MRC1: variants seen among roughly 807,000 people sequenced by gnomAD.
MRC1 encodes the protein mannose receptor C-type 1, also known as macrophage mannose receptor 1.
MRC1 carries 62 observed loss-of-function variants against 102.9 expected under a neutral mutation model. The observed-to-expected ratio is 0.60, with a 90% CI of 0.49 to 0.74. The LOEUF is 0.74. MRC1 is among the 30% of genes least tolerant of loss of function. The pLI is 0.00. For missense variants in MRC1, 1,237 were observed against 862.8 expected, an observed-to-expected ratio of 1.43 and a Z score of -5.43; for synonymous variants, 457 against 298.4, an observed-to-expected ratio of 1.53 and a Z score of -5.48.
chr10:17,887,775 A>G (rs1344835639), intron 22 of MRC1, among the ~76,000 whole-genome samples: 1 of 152,292 alleles, frequency 6.6e-6, no homozygotes, highest in East Asian at 1.9e-4. Context: ...TTTCACAAAA[A>G]TGGAATCAAA....
Position 17,907,883 on chromosome 10 carries a change from C to A in MRC1, c.4078+185C>A, listed in dbSNP as rs545537746. Among the ~76,000 whole-genome samples the A allele has an allele frequency of 9.5e-3, 1,446 of 152,344 alleles. 20 individuals carry two copies. Among genetic ancestry groups the A allele is most frequent in the African/African-American group, 0.032 (1,329 of 41,578 alleles). ...TGCAGCTCTGCGTGAGTGAGAGACA[C>A]TCTCTGTCTGCTTAGCTGTTGTATT... On this transcript the variant is annotated intron_variant, in intron 28 of 29. Transcript: ENST00000569591.
chr10:17,816,651 C>A (rs1292795131), intron 1 of MRC1, among the ~76,000 whole-genome samples: 1 of 152,116 alleles, frequency 6.6e-6, no homozygotes, highest in Non-Finnish European at 1.5e-5. Context: ...GGGAGTGGGG[C>A]CTGCATGCAC....
At chr10:17,849,789 T>C (rs1838886389) in intron 7 of MRC1, 25 bp downstream of exon 7, 1 of 769,326 alleles carries the variant, frequency 1.3e-6, no homozygotes, top group Non-Finnish European at 2.4e-6. Context: ...AGTGATAATA[T>C]ACTTGGCTTT....
rs782698035 is a variant in MRC1, at chr10:17,880,625, G to A, written c.2820G>A (p.Ser940=). 1.7e-5 allele frequency: 13 copies of A among 780,526 alleles called. No homozygotes were observed. The highest frequency in any genetic ancestry group is 4.0e-5 in the South Asian group (3 of 74,604). The allele number at this position is 780,526 out of a possible 1,614,324, so 48.4% of individuals were successfully genotyped here. ...CCACAGTTATGCCTACCATGCCCTC[G>A]GTCCCATCAGGGTGCAAGGAAGGTT... ...NATTVMPTMP[S]VPSGCKEGWN... The change falls in exon 20 of 30, where the codon TCG becomes TCA. Residue 940 remains serine (S), a synonymous_variant. Transcript: ENST00000569591.
chr10:17,903,392 C>CTTTTTTTT (rs35118275), intron 26 of MRC1, among the ~76,000 whole-genome samples: 47 of 88,848 alleles, frequency 5.3e-4, no homozygotes, highest in Admixed American at 6.4e-4. Flanking sequence ...CTTTTTTTTT[C>CTTTTTTTT]TTTTTTTTTT....
At chr10:17,834,112 C>G (rs1308550534) in intron 4 of MRC1, among the ~76,000 whole-genome samples, 11 of 152,230 alleles carry the variant, frequency 7.2e-5, no homozygotes, top group Admixed American at 7.2e-4. Context: ...TAAAAGATGC[C>G]ACAATCGATT....
chr10:17,828,796 G>A (rs1385061847), intron 3 of MRC1, among the ~76,000 whole-genome samples: 1 of 151,488 alleles, frequency 6.6e-6, no homozygotes, highest in South Asian at 2.1e-4. Flanking sequence ...TATCTTAGTG[G>A]GAAAGCACCA....
chr10:17,810,313 G>T (rs1445970230), intron 1 of MRC1, among the ~76,000 whole-genome samples: 1 of 152,158 alleles, frequency 6.6e-6, no homozygotes, highest in African/African-American at 2.4e-5. Context: ...ATTTAGAAGA[G>T]ATTTCAAATT....
intron 5 of MRC1, 157 bp from the exon 6 acceptor site, chr10:17,845,132 C>T: frequency 1.3e-6 from 1 of 779,138 alleles, no homozygotes; most frequent in African/African-American, 1.7e-5. Flanking sequence ...GTGTCTTTTG[C>T]TCTGCAGTCA....
At chr10:17,848,229 G>A (rs1396791467) in intron 6 of MRC1, among the ~76,000 whole-genome samples, 5 of 152,242 alleles carry the variant, frequency 3.3e-5, no homozygotes, top group Admixed American at 1.3e-4. Flanking sequence ...TAATATATAC[G>A]TTCACTTTCA....
Position 17,879,804 on chromosome 10 carries a change from C to A in MRC1, c.2702C>A (p.Thr901Asn), listed in dbSNP as rs1319314200. 1 of 780,890 alleles carries A rather than the reference C, an allele frequency of 1.3e-6. No homozygotes were observed. The highest frequency in any genetic ancestry group is 2.4e-6 in the Non-Finnish European group (1 of 417,970). The allele number at this position is 780,890 out of a possible 1,614,324, so 48.4% of individuals were successfully genotyped here. Residue 901 changes from threonine to asparagine, a missense_variant, in exon 19 of 30, where the codon ACC becomes AAC. Physicochemically the swap from Thr to Asn is moderately conservative, Grantham distance 65 (BLOSUM62 0). Coordinates refer to ENST00000569591, the MANE Select transcript of MRC1 (RefSeq NM_002438.4). ...NFANEDENCV[T>N]MYSNSGFWND... ...GCAAATGAAGATGAAAACTGTGTGA[C>A]CATGTATTCAAATTCAGGTAGGCAA...
chr10:17,821,049 T>C (rs1303387629), intron 1 of MRC1, among the ~76,000 whole-genome samples: 1 of 152,154 alleles, frequency 6.6e-6, no homozygotes, highest in African/African-American at 2.4e-5. Flanking sequence ...AGGTATTGCA[T>C]GTTCTGTGAA....
chr10:17,910,659 C>T lies in MRC1; in HGVS notation c.*194C>T, dbSNP rs1412430898. ...AGATATTTTCATAAAAGAGGGATAA[C>T]AATGCTGATTACTACCTTTTAAAAT... On this transcript the variant is annotated 3_prime_UTR_variant, in exon 30 of 30. Transcript: ENST00000569591. 6 of 643,348 alleles carry T rather than the reference C, an allele frequency of 9.3e-6. No homozygotes were observed. In the East Asian group the frequency reaches 1.0e-4, roughly 11 times the overall value. 39.9% of individuals were successfully genotyped at this position (643,348 alleles called of 1,614,324 possible).
chr10:17,861,268 G>T, intron 9 of MRC1, 119 bp from the exon 10 acceptor site: 1 of 564,780 alleles, frequency 1.8e-6, no homozygotes, highest in Admixed American at 2.9e-5. Context: ...AGCCAAGATT[G>T]CGCCATTGTA....
At chr10:17,859,963 CT>C (rs1366574477) in intron 9 of MRC1, among the ~76,000 whole-genome samples, 1 of 152,120 alleles carries the variant, frequency 6.6e-6, no homozygotes, top group Non-Finnish European at 1.5e-5. Flanking sequence ...GCAGAATGTT[CT>C]AGTTCTCCTT....
chr10:17,898,000 T>C (rs1387229645), intron 23 of MRC1, 34 bp from the exon 24 acceptor site: 2 of 780,678 alleles, frequency 2.6e-6, no homozygotes, highest in African/African-American at 3.4e-5. Flanking sequence ...TACTGTTTAT[T>C]GATAATGCTA....
chr10:17,883,538 A>G (rs1833548099), intron 21 of MRC1, among the ~76,000 whole-genome samples: 1 of 151,624 alleles, frequency 6.6e-6, no homozygotes, highest in African/African-American at 2.4e-5. Context: ...TGCCTCTTCT[A>G]CTCTGCAGAA....
At chr10:17,824,936 A>G (rs1838450607) in intron 2 of MRC1, among the ~76,000 whole-genome samples, 2 of 152,264 alleles carry the variant, frequency 1.3e-5, no homozygotes, top group East Asian at 3.9e-4. Context: ...AAAGTTTGTT[A>G]AAAATATAGA....
intron 24 of MRC1, 70 bp from the exon 25 acceptor site, chr10:17,900,718 T>C: frequency 2.6e-6 from 2 of 780,032 alleles, no homozygotes; most frequent in South Asian, 1.3e-5. Context: ...TTTGTATTCT[T>C]GAATTGGTTC....
Sources: allele counts gnomAD v4.1 joint callset (sites outside exome capture counted in the v4.1 genomes callset), GRCh38; gene constraint gnomAD v4.1.1; transcripts MANE v1.5; gene names NCBI Gene and HGNC (gene_info 2026-07-23, HGNC 2026-07-21).